TRIM6: variants seen among roughly 807,000 people sequenced by gnomAD.
TRIM6 encodes tripartite motif-containing protein 6.
TRIM6 carries 43 observed loss-of-function variants against 51.2 expected under a neutral mutation model. The ratio of observed to expected loss-of-function variants is 0.84; its 90% CI spans 0.66 to 1.08. TRIM6 has a LOEUF of 1.08. TRIM6 is among the 50% of genes least tolerant of loss of function. The pLI, the probability that TRIM6 is intolerant of heterozygous loss-of-function variation, is 0.00. For synonymous variants in TRIM6, 215 were observed against 232.4 expected, an observed-to-expected ratio of 0.93 and a Z score of 0.68; for missense variants, 669 against 619.0, an observed-to-expected ratio of 1.08 and a Z score of -0.86.
rs759225691 is a variant in TRIM6, at chr11:5,603,356, G to T, written c.128G>T (p.Cys43Phe). ...GTGGACATACGAGAAGAGGTGACCTGCCCTATCTGCCTGGAGCTCCTAACA... is the reference window on the plus strand; with the variant it reads ...GTGGACATACGAGAAGAGGTGACCTTCCCTATCTGCCTGGAGCTCCTAACA... Reference protein sequence around the residue: ...VLVDIREEVTCPICLELLTEP... With the variant: ...VLVDIREEVTFPICLELLTEP... The change falls in exon 2 of 8, where the codon TGC becomes TTC. Residue 43 changes from cysteine (C) to phenylalanine (F), a missense_variant. Physicochemically the swap from Cys to Phe is radical, Grantham distance 205. Coordinates refer to ENST00000380097, the MANE Select transcript of TRIM6 (RefSeq NM_001003818.3). 13 of 1,614,122 alleles carry T rather than the reference G, an allele frequency of 8.1e-6. No individual in the cohort carries two copies. The highest frequency in any genetic ancestry group is 1.1e-5 in the Non-Finnish European group (13 of 1,180,014).
At chr11:5,610,099 AC>A in intron 5 of TRIM6, 45 bp from the exon 6 acceptor site, 1 of 1,595,344 alleles carries the variant, frequency 6.3e-7, no homozygotes. Flanking sequence ...TGGTGGAGGA[AC>A]CCACAGTCAG....
chr11:5,599,264 T>C (rs1847671902), intron 1 of TRIM6, among the ~76,000 whole-genome samples: 1 of 152,180 alleles, frequency 6.6e-6, no homozygotes, highest in Non-Finnish European at 1.5e-5. Flanking sequence ...TAGTTCTCCT[T>C]CAAGAGAATT....
chr11:5,600,792 A>C (rs1254766697), intron 1 of TRIM6, among the ~76,000 whole-genome samples: 1 of 152,140 alleles, frequency 6.6e-6, no homozygotes, highest in Non-Finnish European at 1.5e-5. Context: ...GCCTGTTCAG[A>C]ACAGCGAGGT....
chr11:5,608,470 G>T, intron 5 of TRIM6, 76 bp downstream of exon 5: 2 of 1,595,494 alleles, frequency 1.3e-6, no homozygotes, highest in Non-Finnish European at 8.6e-7. Context: ...GTGGGAAAGG[G>T]AAGAAGAATC....
intron 4 of TRIM6, among the ~76,000 whole-genome samples, chr11:5,607,761 C>T (rs367550904): frequency 6.6e-6 from 1 of 152,130 alleles, no homozygotes; most frequent in South Asian, 2.1e-4. Context: ...GGAAGGGAGA[C>T]AAGAGTTGCC....
At chr11:5,601,607 A>C (rs577546404) in intron 1 of TRIM6, among the ~76,000 whole-genome samples, 3 of 152,062 alleles carry the variant, frequency 2.0e-5, no homozygotes, top group Non-Finnish European at 2.9e-5. Context: ...AAAATACAAA[A>C]ATTAGCTGGG....
chr11:5,610,648 G>T, intron 7 of TRIM6, 87 bp downstream of exon 7: 1 of 1,572,546 alleles, frequency 6.4e-7, no homozygotes, highest in Non-Finnish European at 8.6e-7. Flanking sequence ...CAGATCCTAG[G>T]TGTTGATGCC....
chr11:5,610,224 A>T lies in TRIM6; in HGVS notation c.937A>T (p.Arg313Trp), dbSNP rs748033613. 2.0e-5 allele frequency: 32 copies of T among 1,613,994 alleles called. No individual in the cohort carries two copies. The highest frequency in any genetic ancestry group is 1.0e-4 in the Admixed American group (6 of 59,998). The change falls in exon 6 of 8, where the codon AGG becomes TGG. Residue 313 changes from arginine to tryptophan, a missense_variant. Arg to Trp is a moderately radical substitution (Grantham distance 101). Coordinates refer to ENST00000380097, the MANE Select transcript of TRIM6 (RefSeq NM_001003818.3). The stretch of plus-strand genomic sequence containing the variant: ...TATGTTCCGAGCCCCAGATCTGAAA[A>T]GGATGCTGCGAGTGTGTAGAGGTAA... ...RSMFRAPDLK[R>W]MLRVCRELTD...
At position 5,608,393 on chromosome 11, in the gene TRIM6, A is replaced by G. The variant is rs760481669; in HGVS notation, c.856A>G (p.Arg286Gly). 5 of 1,613,626 alleles carry G rather than the reference A, an allele frequency of 3.1e-6. No individual in the cohort carries two copies. The highest frequency in any genetic ancestry group is 4.2e-6 in the Non-Finnish European group (5 of 1,179,808). The change falls in exon 5 of 8, where the codon AGG (arginine) becomes GGG (glycine). Residue 286 changes from arginine to glycine, a missense_variant and splice_region_variant. By Grantham distance (125) the Arg-to-Gly change is moderately radical. Coordinates refer to ENST00000380097, the MANE Select transcript of TRIM6 (RefSeq NM_001003818.3). ...CTAGGATGTGAGTGATGTCACAGAA[A>G]GGTATGTGTAAGGAGAACATGAGGT... ...LLQDVSDVTE[R>G]SEFWTLRKPE...
rs980426159 is a variant in TRIM6 at position 5,603,539 on chromosome 11, A to G, written c.311A>G (p.Asn104Ser). ...CTGCGGCCTAATCGGCATCTGGCCA[A>G]CATAGTGAGGCGGCTCAGAGAGGTA... ...GNLRPNRHLA[N>S]IVRRLREVVL... Residue 104 changes from asparagine (N) to serine (S), a missense_variant, in exon 2 of 8, where the codon AAC becomes AGC. Physicochemically the swap from Asn to Ser is conservative, Grantham distance 46. Transcript: ENST00000380097. 9.9e-6 allele frequency: 16 copies of G among 1,614,032 alleles called. No individual in the cohort carries two copies. Among genetic ancestry groups the G allele is most frequent in the African/African-American group, 1.3e-5 (1 of 74,922 alleles).
chr11:5,610,368 A>T, intron 6 of TRIM6, 123 bp downstream of exon 6: 1 of 1,563,928 alleles, frequency 6.4e-7, no homozygotes, highest in Non-Finnish European at 8.7e-7. Flanking sequence ...AGAGGGAGGG[A>T]CATAGTGTGC....
intron 5 of TRIM6, 71 bp from the exon 6 acceptor site, chr11:5,610,074 G>C (rs1331545459): frequency 4.6e-6 from 7 of 1,518,026 alleles, no homozygotes; most frequent in Non-Finnish European, 5.5e-6. Flanking sequence ...AGGCTTGGGA[G>C]GTAAGGGAGA....
intron 4 of TRIM6, among the ~76,000 whole-genome samples, chr11:5,607,885 A>G (rs1028537659): frequency 2.0e-5 from 3 of 152,208 alleles, no homozygotes; most frequent in African/African-American, 7.2e-5. Context: ...AGATTTGAGA[A>G]TCATCAACAT....
chr11:5,601,142 C>T (rs1329937702), intron 1 of TRIM6, among the ~76,000 whole-genome samples: 1 of 152,158 alleles, frequency 6.6e-6, no homozygotes, highest in East Asian at 1.9e-4. Context: ...GGCAAAATCC[C>T]ATCATCAAAT....
intron 4 of TRIM6, among the ~76,000 whole-genome samples, chr11:5,605,905 G>C (rs567331759): frequency 6.6e-6 from 1 of 152,112 alleles, no homozygotes. Context: ...TCTTTGCTGC[G>C]TGGGGTTCTC....
chr11:5,607,821 TGCTGGTGTATATATTAATCAAAATCATAA>T (rs1848317178), intron 4 of TRIM6, among the ~76,000 whole-genome samples: 1 of 152,204 alleles, frequency 6.6e-6, no homozygotes, highest in African/African-American at 2.4e-5. Flanking sequence ...GTGACATATT[TGCTGGTGTATATATTAATCAAAATCATAA>T]GGAAAGGGGG....
rs749353435 is a variant in TRIM6 at position 5,603,230 on chromosome 11, T to G, written c.18-16T>G. 4.4e-6 allele frequency: 7 copies of G among 1,604,840 alleles called. No homozygotes were observed. In the Admixed American group the frequency reaches 1.0e-4, roughly 23 times the overall value. On this transcript the variant is annotated splice_polypyrimidine_tract_variant and intron_variant, in intron 1 of 7. Transcript: ENST00000380097. ...TTTCTTACCCTGATCCTTTTTTTGT[T>G]TGTTCATCTACCTAGGATTCTACAG...
intron 6 of TRIM6, 101 bp from the exon 7 acceptor site, chr11:5,610,434 A>G (rs770795750): frequency 7.5e-6 from 12 of 1,604,286 alleles, no homozygotes; most frequent in Non-Finnish European, 1.0e-5. Context: ...TGACATCCTC[A>G]CAGGATTCCT....
intron 6 of TRIM6, 74 bp downstream of exon 6, chr11:5,610,319 T>C (rs2133865894): frequency 1.2e-6 from 2 of 1,603,218 alleles, no homozygotes; most frequent in Middle Eastern, 1.7e-4. Context: ...ATAGAGGCTA[T>C]AGTCGGTATT....
Sources: gnomAD v4.1 joint callset for allele counts (sites outside exome capture counted in the v4.1 genomes callset) on GRCh38, gnomAD v4.1.1 for gene constraint, MANE v1.5 for transcripts, NCBI Gene and HGNC (gene_info 2026-07-23, HGNC 2026-07-21) for gene names.